Variants in YBX1 observed in about 807,000 individuals in gnomAD.
The protein encoded by YBX1 is Y-box-binding protein 1.
A neutral mutation model predicts 41.4 loss-of-function variants in YBX1; 3 were observed. The observed-to-expected ratio is 0.07, with a 90% CI of 0.03 to 0.19. The LOEUF (loss-of-function observed/expected upper bound fraction) is 0.19. Among genes scored for constraint, YBX1 ranks in the 10% least tolerant of loss-of-function variants. The probability of loss-of-function intolerance (pLI) is 1.00; values close to 1 mark genes in which losing one functional copy is unlikely to be tolerated. For missense variants in YBX1, 274 were observed against 462.8 expected (o/e 0.59, Z 3.74); for synonymous variants, 133 against 165.8 (o/e 0.80, Z 1.52).
chr1:42,698,298 T>A (rs1050391524), intron 6 of YBX1, among the ~76,000 whole-genome samples: 3 of 152,242 alleles, frequency 2.0e-5, no homozygotes. Context: ...GATGTCATCA[T>A]ATTTTTTGTA....
intron 2 of YBX1, among the ~76,000 whole-genome samples, chr1:42,683,929 G>A (rs1329761882): frequency 6.6e-6 from 1 of 152,122 alleles, no homozygotes; most frequent in Non-Finnish European, 1.5e-5. Context: ...TTTACCGAGA[G>A]GTTGTATTGC....
At chr1:42,693,418 G>C in intron 2 of YBX1, 72 bp from the exon 3 acceptor site, 1 of 1,583,836 alleles carries the variant, frequency 6.3e-7, no homozygotes, top group Non-Finnish European at 8.7e-7. Flanking sequence ...GAGAGTCTCT[G>C]GGAAAATTAA....
Position 42,703,442 on chromosome 1 carries a change from CT to C in YBX1, c.*1494del, listed in dbSNP as rs1016082268. 2.0e-5 allele frequency among the ~76,000 whole-genome samples: 3 copies of C among 151,932 alleles called. No individual in the cohort carries two copies. Among genetic ancestry groups the C allele is most frequent in the African/African-American group, 7.3e-5 (3 of 41,360 alleles). ...GAAGTCATCTCCTGCTTGGGACTAA[CT>C]CTTTGCAGAGGACTTGATAAGAGAC... On this transcript the variant is annotated 3_prime_UTR_variant, in exon 8 of 8. Coordinates refer to ENST00000321358, the MANE Select transcript of YBX1 (RefSeq NM_004559.5).
Position 42,682,650 on chromosome 1 carries a change from A to C in YBX1, c.85A>C (p.Thr29Pro). ...CAGCGCCGCCGACACCAAGCCCGGCACTACGGGCAGCGGCGCAGGGAGCGG... is the reference window on the plus strand; with the variant it reads ...CAGCGCCGCCGACACCAAGCCCGGCCCTACGGGCAGCGGCGCAGGGAGCGG... ...ALSAADTKPG[T>P]TGSGAGSGGP... Residue 29 changes from threonine to proline, a missense_variant, in exon 1 of 8, where the codon ACT becomes CCT. Coordinates refer to ENST00000321358, the MANE Select transcript of YBX1 (RefSeq NM_004559.5). The C allele has an allele frequency of 7.4e-7, 1 of 1,355,708 alleles. No individual in the cohort carries two copies. Among genetic ancestry groups the C allele is most frequent in the South Asian group, 1.7e-5 (1 of 57,796 alleles). 84.0% of individuals were successfully genotyped at this position (1,355,708 alleles called of 1,614,324 possible). A position where few individuals can be genotyped will look rare whatever the true frequency, so the allele number is the denominator to read the frequency against.
chr1:42,702,351 G>T lies in YBX1; in HGVS notation c.*402G>T, dbSNP rs1334348225. 1 of 152,578 alleles carries T rather than the reference G, an allele frequency of 6.6e-6. No individual in the cohort carries two copies. The highest frequency in any genetic ancestry group is 1.5e-5 in the Non-Finnish European group (1 of 68,030). The allele number at this position is 152,578 out of a possible 1,614,324, so 9.5% of individuals were successfully genotyped here. On this transcript the variant is annotated 3_prime_UTR_variant, in exon 8 of 8. Transcript: ENST00000321358. ...CTGTTAATAAAGGTCTTAAATAATT[G>T]TCTTTGTGTAAATTTGTCTAGTTTT...
At chr1:42,682,765 C>T in intron 1 of YBX1, 34 bp downstream of exon 1, 1 of 1,186,454 alleles carries the variant, frequency 8.4e-7, no homozygotes, top group Admixed American at 4.5e-5. Context: ...GTGGGGCCCT[C>T]GGGCAGCCCA....
intron 2 of YBX1, among the ~76,000 whole-genome samples, 193 bp from the exon 3 acceptor site, chr1:42,693,297 C>T (rs1489068828): frequency 3.3e-5 from 5 of 149,474 alleles, no homozygotes; most frequent in Non-Finnish European, 4.4e-5. Flanking sequence ...GCCTATCTTA[C>T]GGGTAATGAG....
intron 2 of YBX1, among the ~76,000 whole-genome samples, chr1:42,691,663 C>G (rs1277801591): frequency 2.0e-5 from 3 of 152,050 alleles, no homozygotes; most frequent in African/African-American, 7.3e-5. Flanking sequence ...GTAGCATTAT[C>G]AGTAATGAAA....
intron 2 of YBX1, among the ~76,000 whole-genome samples, chr1:42,685,690 T>C: frequency 6.6e-6 from 1 of 152,170 alleles, no homozygotes; most frequent in East Asian, 1.9e-4. Context: ...GTGACGACTT[T>C]TAATTGGGGT....
At chr1:42,695,406 CTT>C (rs1318520185) in intron 3 of YBX1, among the ~76,000 whole-genome samples, 1 of 152,206 alleles carries the variant, frequency 6.6e-6, no homozygotes, top group African/African-American at 2.4e-5. Context: ...AGTCACCTAA[CTT>C]TAAAGCCTGT....
rs1650636248 is a variant in YBX1 at position 42,702,771 on chromosome 1, C to T, written c.*822C>T. On this transcript the variant is annotated 3_prime_UTR_variant, in exon 8 of 8. Coordinates refer to ENST00000321358, the MANE Select transcript of YBX1 (RefSeq NM_004559.5). ...TGAAGTGTTAGGACAACCTGTCACA[C>T]TGCCTGGTGTGGTCATCAAATATTG... Among the ~76,000 whole-genome samples, 1 of 152,214 alleles carries T rather than the reference C, an allele frequency of 6.6e-6. No individual in the cohort carries two copies. The highest frequency in any genetic ancestry group is 1.5e-5 in the Non-Finnish European group (1 of 68,040).
In YBX1 at chr1:42,696,516, C is replaced by CG. The variant is rs1226393073; in HGVS notation, c.355-126_355-125insG. 3 of 693,920 alleles carry CG rather than the reference C, an allele frequency of 4.3e-6. No individual in the cohort carries two copies. The highest frequency in any genetic ancestry group is 6.9e-6 in the Non-Finnish European group (3 of 433,872). 43.0% of individuals were successfully genotyped at this position (693,920 alleles called of 1,614,324 possible). On this transcript the variant is annotated intron_variant, in intron 4 of 7. Coordinates refer to ENST00000321358, the MANE Select transcript of YBX1 (RefSeq NM_004559.5). This position sits in a 1 kb window ranked among gnomAD's most constrained non-coding sequence, Gnocchi z 5.7. ...ACCCCTGGTCACGCAGTTGCGCCCC[C>CG]CCCCCCTTTTTTTTCCTTAACTTTG...
rs368826953 is a variant in YBX1 at position 42,697,859 on chromosome 1, A to G, written c.740+597A>G. Among the ~76,000 whole-genome samples the G allele has an allele frequency of 3.9e-5, 6 of 152,124 alleles. No homozygotes were observed. The East Asian group carries it at 7.7e-4, about 20-fold the overall frequency. ...CGAGGAAAAATTCCATGAACCAAGC[A>G]TATTTTAGTCCATGCCGTAGTATAC... is the stretch of plus-strand genomic sequence containing the variant. On this transcript the variant is annotated intron_variant, in intron 6 of 7. Transcript: ENST00000321358.
intron 2 of YBX1, among the ~76,000 whole-genome samples, chr1:42,692,284 G>A (rs1242769292): frequency 6.6e-6 from 1 of 152,186 alleles, no homozygotes; most frequent in African/African-American, 2.4e-5. Context: ...TTGGAGAGCA[G>A]AACTAATAAA....
chr1:42,699,058 G>GT (rs938731182), intron 6 of YBX1, among the ~76,000 whole-genome samples: 1 of 152,096 alleles, frequency 6.6e-6, no homozygotes, highest in Non-Finnish European at 1.5e-5. Flanking sequence ...AAAAAGGGAG[G>GT]TTTTTTGTTG....
At position 42,682,424 on chromosome 1, in the gene YBX1, G is replaced by A. The variant is rs920526338; in HGVS notation, c.-142G>A. 2.8e-6 allele frequency: 3 copies of A among 1,085,684 alleles called. No homozygotes were observed. Among genetic ancestry groups the A allele is most frequent in the African/African-American group, 1.7e-5 (1 of 59,950 alleles). 67.3% of individuals were successfully genotyped at this position (1,085,684 alleles called of 1,614,324 possible). On this transcript the variant is annotated 5_prime_UTR_variant, in exon 1 of 8. Transcript: ENST00000321358. ...TTATCCCGCCTGTCCCGCCATTCTC[G>A]CTAGTTCGATCGGTAGCGGGAGCGG...
chr1:42,683,291 C>A (rs760142551), intron 1 of YBX1, 112 bp from the exon 2 acceptor site: 1 of 1,257,494 alleles, frequency 8.0e-7, no homozygotes, highest in Non-Finnish European at 1.2e-6. Context: ...AGAGAAAGGG[C>A]TGTCAGGTGG....
intron 2 of YBX1, among the ~76,000 whole-genome samples, chr1:42,691,050 T>G (rs1650316980): frequency 6.6e-6 from 1 of 152,222 alleles, no homozygotes; most frequent in Admixed American, 6.5e-5. Context: ...AGGGTCTCTT[T>G]TGTTATAACT....
At chr1:42,685,854 T>TAGAA (rs1570415156) in intron 2 of YBX1, among the ~76,000 whole-genome samples, 2 of 152,236 alleles carry the variant, frequency 1.3e-5, no homozygotes, top group Admixed American at 1.3e-4. Flanking sequence ...ACAACCTTGT[T>TAGAA]AGAATTAATT....
Sources: gnomAD v4.1 joint callset for allele counts (sites outside exome capture counted in the v4.1 genomes callset) on GRCh38, gnomAD v4.1.1 for gene constraint, Gnocchi (gnomAD v3.1) non-coding constraint, MANE v1.5 for transcripts, NCBI Gene and HGNC (gene_info 2026-07-23, HGNC 2026-07-21) for gene names.